GSR: variants seen among roughly 807,000 people sequenced by gnomAD.
GSR encodes the protein glutathione-disulfide reductase.
Under a neutral mutation model 56.5 loss-of-function variants are expected in GSR, and 48 were observed. That is an observed-to-expected ratio of 0.85 (90% CI 0.67 to 1.08). The LOEUF is 1.08. Among genes scored for constraint, GSR ranks in the 50% least tolerant of loss-of-function variants. The probability of loss-of-function intolerance (pLI) is 0.00; values close to 1 mark genes in which losing one functional copy is unlikely to be tolerated. For synonymous variants in GSR, 264 were observed against 270.8 expected, an observed-to-expected ratio of 0.97 and a Z score of 0.25; for missense variants, 694 against 703.3, an observed-to-expected ratio of 0.99 and a Z score of 0.15.
intron 7 of GSR, among the ~76,000 whole-genome samples, 172 bp from the exon 8 acceptor site, chr8:30,693,227 A>G (rs1056528119): frequency 6.6e-6 from 1 of 152,080 alleles, no homozygotes; most frequent in Non-Finnish European, 1.5e-5. Flanking sequence ...CTACATCACC[A>G]CCACCATCTG....
Position 30,703,121 on chromosome 8 carries a change from G to C in GSR, c.612C>G (p.Pro204=). The C allele has an allele frequency of 6.2e-7, 1 of 1,614,076 alleles. No individual in the cohort carries two copies. The highest frequency in any genetic ancestry group is 8.5e-7 in the Non-Finnish European group (1 of 1,179,958). The change falls in exon 5 of 13, where the codon CCC becomes CCG. Residue 204 remains proline (P), a synonymous_variant. Transcript: ENST00000221130. ...PHILIATGGM[P]STPHESQIPG... ...GGATCTGGCTCTCATGAGGGGTGGA[G>C]GGCATACCACCTGTGGCGATCAGGA...
At chr8:30,726,143 T>C (rs1270053746) in intron 1 of GSR, among the ~76,000 whole-genome samples, 3 of 152,130 alleles carry the variant, frequency 2.0e-5, no homozygotes, top group Non-Finnish European at 4.4e-5. Context: ...AACAGAGATT[T>C]TTCCTTTCTC....
rs1802848121 is a variant in GSR at position 30,679,110 on chromosome 8, C to T, written c.*410G>A. On this transcript the variant is annotated 3_prime_UTR_variant, in exon 13 of 13. Transcript: ENST00000221130. The stretch of plus-strand genomic sequence containing the variant: ...GTTGTGGTGAGCTGAAATAGCACCA[C>T]CGCACTCCAGCCTGGGCAATGAGAG... 5.5e-6 allele frequency: 1 copy of T among 182,628 alleles called. No individual in the cohort carries two copies. The allele number at this position is 182,628 out of a possible 1,614,324, so 11.3% of individuals were successfully genotyped here. A position where few individuals can be genotyped will look rare whatever the true frequency, so the allele number is the denominator to read the frequency against.
chr8:30,703,235 A>T lies in GSR; in HGVS notation c.498T>A (p.His166Gln). Residue 166 changes from histidine to glutamine, a missense_variant, in exon 5 of 13, where the codon CAT (histidine) becomes CAA (glutamine). By Grantham distance (24) the His-to-Gln change is conservative. Coordinates refer to ENST00000221130, the MANE Select transcript of GSR (RefSeq NM_000637.5). ...AIYQNNLTKS[H>Q]IEIIRGHAAF... ...CTGCATGGCCACGGATGATTTCTAT[A>T]TGGGACTAAAGAAGGAACCATGACA... 6.2e-7 allele frequency: 1 copy of T among 1,613,892 alleles called. No individual in the cohort carries two copies. Among genetic ancestry groups the T allele is most frequent in the Non-Finnish European group, 8.5e-7 (1 of 1,179,782 alleles).
chr8:30,679,400 C>G lies in GSR; in HGVS notation c.*120G>C. The G allele has an allele frequency of 1.0e-6, 1 of 989,540 alleles. No homozygotes were observed. Among genetic ancestry groups the G allele is most frequent in the Non-Finnish European group, 1.6e-6 (1 of 640,644 alleles). The allele number at this position is 989,540 out of a possible 1,614,324, so 61.3% of individuals were successfully genotyped here. A position where few individuals can be genotyped will look rare whatever the true frequency, so the allele number is the denominator to read the frequency against. On this transcript the variant is annotated 3_prime_UTR_variant, in exon 13 of 13. Coordinates refer to ENST00000221130, the MANE Select transcript of GSR (RefSeq NM_000637.5). The stretch of plus-strand genomic sequence containing the variant: ...ATTATGTACTAAAAATTTCCACTAT[C>G]AGAAGATCCTGATTAAAATAAAGAA...
intron 10 of GSR, among the ~76,000 whole-genome samples, chr8:30,682,885 T>G (rs1459843020): frequency 6.6e-6 from 1 of 151,922 alleles, no homozygotes; most frequent in Non-Finnish European, 1.5e-5. Flanking sequence ...TGGAGAGCAG[T>G]GGCGCCATCT....
chr8:30,691,395 G>T (rs1429133437), intron 8 of GSR, among the ~76,000 whole-genome samples: 1 of 150,700 alleles, frequency 6.6e-6, no homozygotes, highest in Non-Finnish European at 1.5e-5. Context: ...ACCCAAGAAA[G>T]ATAGGCTGGG....
At chr8:30,708,958 C>CAA (rs769951825) in intron 3 of GSR, among the ~76,000 whole-genome samples, 30 of 56,598 alleles carry the variant, frequency 5.3e-4, no homozygotes, top group African/African-American at 1.6e-3. Context: ...GACTCCGTCT[C>CAA]AAAAAAAAAA....
chr8:30,703,195 G>A lies in GSR; in HGVS notation c.538C>T (p.Pro180Ser). The change falls in exon 5 of 13, where the codon CCC becomes TCC. Residue 180 changes from proline (P) to serine (S), a missense_variant. Physicochemically the swap from Pro to Ser is moderately conservative, Grantham distance 74. Transcript: ENST00000221130. ...IRGHAAFTSD[P>S]KPTIEVSGKK... is the part of the protein sequence containing the mutation. Reference sequence around the variant, plus strand: ...CCACTGACCTCTATTGTGGGCTTGGGATCACTCGTGAAGGCTGCATGGCCA... The same window carrying A: ...CCACTGACCTCTATTGTGGGCTTGGAATCACTCGTGAAGGCTGCATGGCCA... 1.2e-6 allele frequency: 2 copies of A among 1,614,044 alleles called. No homozygotes were observed. Among genetic ancestry groups the A allele is most frequent in the Non-Finnish European group, 1.7e-6 (2 of 1,179,944 alleles).
At chr8:30,723,492 T>C (rs913124438) in intron 1 of GSR, among the ~76,000 whole-genome samples, 2 of 149,914 alleles carry the variant, frequency 1.3e-5, no homozygotes, top group Non-Finnish European at 3.0e-5. Flanking sequence ...ACCCTGTCTC[T>C]TAAAAATGAA....
intron 6 of GSR, 34 bp from the exon 7 acceptor site, chr8:30,696,513 TAAAC>T: frequency 1.4e-6 from 2 of 1,383,792 alleles, no homozygotes; most frequent in Non-Finnish European, 1.0e-6. Flanking sequence ...TATTCTTAAA[TAAAC>T]TAATTTTGGA....
chr8:30,700,013 G>A lies in GSR; in HGVS notation c.695+68C>T, dbSNP rs8190977. On this transcript the variant is annotated intron_variant, in intron 6 of 12. Transcript: ENST00000221130. ...CTACATTAAATGCTTGGGAGGAGAA[G>A]ACGAAGAAAAGTTACCAGGAGACAG... 1.9e-3 allele frequency: 2,146 copies of A among 1,110,656 alleles called. 4 individuals are homozygous for A. Among genetic ancestry groups the A allele is most frequent in the Non-Finnish European group, 2.6e-3 (1,872 of 720,080 alleles). 68.8% of individuals were successfully genotyped at this position (1,110,656 alleles called of 1,614,324 possible). A position where few individuals can be genotyped will look rare whatever the true frequency, so the allele number is the denominator to read the frequency against.
intron 5 of GSR, 93 bp downstream of exon 5, chr8:30,703,000 C>A (rs1803793832): frequency 7.6e-7 from 1 of 1,320,088 alleles, no homozygotes; most frequent in African/African-American, 1.4e-5. Flanking sequence ...AAAGAGAGAA[C>A]TGGTTTAGGC....
At position 30,684,607 on chromosome 8, in the gene GSR, G is replaced by T. The variant is rs544872461; in HGVS notation, c.1042-408C>A. Among the ~76,000 whole-genome samples, 18 of 152,244 alleles carry T rather than the reference G, an allele frequency of 1.2e-4. No homozygotes were observed. In the South Asian group the frequency reaches 3.1e-3, roughly 26 times the overall value. ...TGACATTGCAATGTACAATTCAACT[G>T]GCCAGGCAGACATGAAGAGGATCAC... On this transcript the variant is annotated intron_variant, in intron 9 of 12. Coordinates refer to ENST00000221130, the MANE Select transcript of GSR (RefSeq NM_000637.5).
rs755578957 is a variant in GSR, at chr8:30,700,097, G to C, written c.679C>G (p.Leu227Val). ...TTGGCTTACCCGGGCAATTCTTCCAGCTGAAAAAATCCATCGCTGGTTATT... is the reference window on the plus strand; with the variant it reads ...TTGGCTTACCCGGGCAATTCTTCCACCTGAAAAAATCCATCGCTGGTTATT... ...LGITSDGFFQ[L>V]EELPGRSVIV... is the part of the protein sequence containing the mutation. The change falls in exon 6 of 13, where the codon CTG becomes GTG. Residue 227 changes from leucine (L) to valine (V), a missense_variant. Leu to Val is a conservative substitution (Grantham distance 32). Coordinates refer to ENST00000221130, the MANE Select transcript of GSR (RefSeq NM_000637.5). The C allele has an allele frequency of 2.3e-5, 37 of 1,613,172 alleles. No homozygotes were observed. The African/African-American group carries it at 4.5e-4, about 20-fold the overall frequency.
rs1020927298 is a variant in GSR, at chr8:30,703,814, G to GGGA, written c.493-577_493-575dup. Among the ~76,000 whole-genome samples, 141 of 150,394 alleles carry GGGA rather than the reference G, an allele frequency of 9.4e-4. 1 individual carries two copies. Among genetic ancestry groups the GGGA allele is most frequent in the African/African-American group, 3.1e-3 (128 of 40,888 alleles). On this transcript the variant is annotated intron_variant, in intron 4 of 12. Transcript: ENST00000221130. Reference sequence around the variant, plus strand: ...AGGAAGAAGGAGGAGGAGGAGAAGAGGGAGGAGGAGGAGGAAGAAAGAAAG... The same window carrying GGGA: ...AGGAAGAAGGAGGAGGAGGAGAAGAGGGAGGAGGAGGAGGAGGAAGAAAGAAAG...
At chr8:30,708,274 C>A in intron 3 of GSR, 133 bp from the exon 4 acceptor site, 1 of 741,090 alleles carries the variant, frequency 1.3e-6, no homozygotes, top group East Asian at 2.6e-5. Flanking sequence ...GTGAATGTCT[C>A]CGAAGACAGT....
chr8:30,697,611 G>C (rs1266187756), intron 6 of GSR, among the ~76,000 whole-genome samples: 1 of 152,082 alleles, frequency 6.6e-6, no homozygotes, highest in African/African-American at 2.4e-5. Context: ...CTGGGTGACA[G>C]AGCAAAAGAC....
intron 3 of GSR, among the ~76,000 whole-genome samples, 184 bp downstream of exon 3, chr8:30,709,630 C>T (rs1804037916): frequency 6.6e-6 from 1 of 152,068 alleles, no homozygotes; most frequent in Non-Finnish European, 1.5e-5. Flanking sequence ...GTGGTGACGA[C>T]TGTATAACAA....
Sources: allele counts gnomAD v4.1 joint callset (sites outside exome capture counted in the v4.1 genomes callset), GRCh38; gene constraint gnomAD v4.1.1; transcripts MANE v1.5; gene names NCBI Gene and HGNC (gene_info 2026-07-23, HGNC 2026-07-21).